The following SLC39A14 variants were observed in gnomAD, a reference collection of about 807,000 sequenced individuals.
SLC39A14 encodes the protein metal cation symporter ZIP14.
In SLC39A14, 19 loss-of-function variants were observed where a neutral mutation model predicts 45.5. The observed-to-expected ratio is 0.42, with a 90% CI of 0.29 to 0.61. The LOEUF (loss-of-function observed/expected upper bound fraction) is 0.61, where lower values mean the gene tolerates loss of function less well. Ranked by LOEUF, SLC39A14 falls within the 20% of genes least tolerant of loss-of-function variation. The pLI, the probability that SLC39A14 is intolerant of heterozygous loss-of-function variation, is 0.22. For missense variants in SLC39A14, 447 were observed against 616.5 expected, an observed-to-expected ratio of 0.73 and a Z score of 2.91; for synonymous variants, 264 against 251.3, an observed-to-expected ratio of 1.05 and a Z score of -0.48.
chr8:22,406,243 G>A (rs566189179), intron 2 of SLC39A14, among the ~76,000 whole-genome samples: 1 of 151,884 alleles, frequency 6.6e-6, no homozygotes, highest in African/African-American at 2.4e-5. Flanking sequence ...GAGATCAGGA[G>A]TTTGAGACTA....
At chr8:22,375,543 TG>T (rs1833169724) in intron 1 of SLC39A14, among the ~76,000 whole-genome samples, 1 of 152,048 alleles carries the variant, frequency 6.6e-6, no homozygotes, top group Non-Finnish European at 1.5e-5. Flanking sequence ...TGGAGTGCAG[TG>T]GCACAATCTC....
At chr8:22,394,120 C>T (rs964792458) in intron 1 of SLC39A14, among the ~76,000 whole-genome samples, 1 of 151,542 alleles carries the variant, frequency 6.6e-6, no homozygotes, top group African/African-American at 2.4e-5. Context: ...GATTCTCCTG[C>T]CTCAGGCTCC....
chr8:22,410,584 T>C (rs1203210129), intron 3 of SLC39A14, among the ~76,000 whole-genome samples: 1 of 152,216 alleles, frequency 6.6e-6, no homozygotes, highest in African/African-American at 2.4e-5. Context: ...GCGAGTGTTC[T>C]TTAATTTTGA....
Position 22,408,972 on chromosome 8 carries a change from C to T in SLC39A14, c.457+476C>T, listed in dbSNP as rs567102615. The stretch of plus-strand genomic sequence containing the variant: ...AGTAGCTGGGACTACAGGCGTGCAC[C>T]GCCATGCCCAGCTAATTTTTAAATT... On this transcript the variant is annotated intron_variant, in intron 3 of 8. Transcript: ENST00000381237. Among the ~76,000 whole-genome samples the T allele has an allele frequency of 1.4e-3, 219 of 152,128 alleles. 1 individual carries two copies. Among genetic ancestry groups the T allele is most frequent in the African/African-American group, 4.9e-3 (205 of 41,508 alleles).
intron 1 of SLC39A14, among the ~76,000 whole-genome samples, chr8:22,383,285 T>C (rs1368346876): frequency 5.9e-5 from 9 of 152,160 alleles, no homozygotes. Context: ...GATCCTTTTC[T>C]TTGTTCCCTG....
At chr8:22,372,374 A>G (rs950556653) in intron 1 of SLC39A14, among the ~76,000 whole-genome samples, 6 of 152,138 alleles carry the variant, frequency 3.9e-5, no homozygotes, top group East Asian at 1.9e-4. Flanking sequence ...CCTAGCAACT[A>G]TATTAAGATC....
Position 22,405,391 on chromosome 8 carries a change from T to C in SLC39A14, c.270+411T>C, listed in dbSNP as rs1835152857. Among the ~76,000 whole-genome samples, 4 of 152,322 alleles carry C rather than the reference T, an allele frequency of 2.6e-5. No homozygotes were observed. In the South Asian group the frequency reaches 8.3e-4, roughly 32 times the overall value. On this transcript the variant is annotated intron_variant, in intron 2 of 8. Coordinates refer to ENST00000381237, the MANE Select transcript of SLC39A14 (RefSeq NM_001128431.4). ...AGCCAGGCATGGTGGCGGATGCCTGTGATCCCAGCCACTTGGGAGGCTGAG... is the reference window on the plus strand; with the variant it reads ...AGCCAGGCATGGTGGCGGATGCCTGCGATCCCAGCCACTTGGGAGGCTGAG...
chr8:22,390,005 G>A, intron 1 of SLC39A14: 1 of 155,890 alleles, frequency 6.4e-6, no homozygotes, highest in Non-Finnish European at 1.4e-5. Context: ...TTCTTTTTCT[G>A]GTCATTTTCC....
At chr8:22,411,928 C>A in intron 3 of SLC39A14, 109 bp from the exon 4 acceptor site, 1 of 1,020,064 alleles carries the variant, frequency 9.8e-7, no homozygotes, top group Non-Finnish European at 1.4e-6. Context: ...TTCCTTGCGA[C>A]CTCCCTATCT....
chr8:22,414,015 A>G (rs1421645409), intron 4 of SLC39A14, among the ~76,000 whole-genome samples: 1 of 151,970 alleles, frequency 6.6e-6, no homozygotes, highest in East Asian at 1.9e-4. Flanking sequence ...CCTGGCCTCA[A>G]GTGATCCACC....
intron 1 of SLC39A14, among the ~76,000 whole-genome samples, chr8:22,370,574 C>T (rs1157779188): frequency 4.6e-5 from 7 of 152,174 alleles, no homozygotes; most frequent in African/African-American, 1.4e-4. Context: ...TCCCGAGTCA[C>T]ATGGTTGCCA....
At chr8:22,371,414 CTTTTTTTTTTTTTTTTTTTT>C (rs373230777) in intron 1 of SLC39A14, among the ~76,000 whole-genome samples, 14 of 120,048 alleles carry the variant, frequency 1.2e-4, no homozygotes, top group Non-Finnish European at 2.0e-4. Context: ...AAATACATGT[CTTTTTTTTTTTTTTTTTTTT>C]TTTTTTTTTT....
intron 1 of SLC39A14, among the ~76,000 whole-genome samples, chr8:22,395,126 C>G (rs1834313385): frequency 6.6e-6 from 1 of 152,034 alleles, no homozygotes; most frequent in African/African-American, 2.4e-5. Context: ...TCCCCTGCCC[C>G]AGCCTCCTGA....
intron 1 of SLC39A14, among the ~76,000 whole-genome samples, chr8:22,384,922 C>T (rs755792961): frequency 6.6e-6 from 1 of 150,880 alleles, no homozygotes; most frequent in Non-Finnish European, 1.5e-5. Flanking sequence ...TGGTAGCAGG[C>T]GCCTGTAGTC....
At chr8:22,389,039 T>C (rs1246443440) in intron 1 of SLC39A14, among the ~76,000 whole-genome samples, 1 of 152,336 alleles carries the variant, frequency 6.6e-6, no homozygotes, top group East Asian at 1.9e-4. Context: ...GGGGCTGGGC[T>C]GGAAGGGGCC....
At chr8:22,374,193 G>A (rs1396519948) in intron 1 of SLC39A14, among the ~76,000 whole-genome samples, 1 of 152,230 alleles carries the variant, frequency 6.6e-6, no homozygotes, top group East Asian at 1.9e-4. Flanking sequence ...TGGTGGGGTT[G>A]GGGGGAGGTT....
chr8:22,428,400 T>TAGC (rs1391782100), intron 8 of SLC39A14, among the ~76,000 whole-genome samples: 1 of 151,714 alleles, frequency 6.6e-6, no homozygotes, highest in Non-Finnish European at 1.5e-5. Context: ...ATGCTCAACT[T>TAGC]AGCTTAGTAG....
intron 8 of SLC39A14, among the ~76,000 whole-genome samples, chr8:22,430,256 C>CG (rs1238092411): frequency 6.6e-6 from 1 of 152,078 alleles, no homozygotes; most frequent in East Asian, 1.9e-4. Flanking sequence ...TTTTTAGAGA[C>CG]GGGGTCTCAC....
chr8:22,392,451 TC>T (rs1834130171), intron 1 of SLC39A14, among the ~76,000 whole-genome samples: 1 of 152,094 alleles, frequency 6.6e-6, no homozygotes, highest in South Asian at 2.1e-4. Context: ...ATTTATCTGA[TC>T]CCGAATAACA....
Sources: gnomAD v4.1 joint callset for allele counts (sites outside exome capture counted in the v4.1 genomes callset) on GRCh38, gnomAD v4.1.1 for gene constraint, MANE v1.5 for transcripts, NCBI Gene and HGNC (gene_info 2026-07-23, HGNC 2026-07-21) for gene names.